Variants in TEKT5 observed in about 807,000 individuals in gnomAD.
TEKT5 encodes the protein tektin 5, also known as tektin-5.
In TEKT5, 52 loss-of-function variants were observed where a neutral mutation model predicts 48.7. The observed-to-expected ratio is 1.07, with a 90% CI of 0.86 to 1.35. The LOEUF is 1.35. Among genes scored for constraint, TEKT5 ranks in the 40% most tolerant of loss-of-function variants. TEKT5 has a pLI of 0.00. For synonymous variants in TEKT5, 318 were observed against 267.6 expected (o/e 1.19, Z -1.84); for missense variants, 831 against 641.6 (o/e 1.30, Z -3.19).
intron 5 of TEKT5, 46 bp downstream of exon 5, chr16:10,675,913 T>C: frequency 6.3e-7 from 1 of 1,589,028 alleles, no homozygotes. Context: ...GGGAGAAGGG[T>C]GAGGGCTTGG....
chr16:10,640,111 G>A (rs77394325), intron 5 of TEKT5, among the ~76,000 whole-genome samples: 5,706 of 67,584 alleles, frequency 0.084, 235 homozygotes, highest in East Asian at 0.36. Context: ...CCCTCCTCCC[G>A]TCTTCCTCCT....
In TEKT5 at chr16:10,694,572, T is replaced by A; in HGVS notation, c.302A>T (p.Gln101Leu). ...CCGGGAGGCCTCGGCCCCACGCACCTGCAGCTGGTTGGACTGGTCCCAGTC... is the reference window on the plus strand; with the variant it reads ...CCGGGAGGCCTCGGCCCCACGCACCAGCAGCTGGTTGGACTGGTCCCAGTC... ...PHDWDQSNQL[Q>L]VRGAEASRLW... Residue 101 changes from glutamine to leucine, a missense_variant, in exon 1 of 7, where the codon CAG becomes CTG. Transcript: ENST00000283025. The A allele has an allele frequency of 6.2e-7, 1 of 1,603,504 alleles. No homozygotes were observed. Among genetic ancestry groups the A allele is most frequent in the Non-Finnish European group, 8.5e-7 (1 of 1,174,664 alleles).
At chr16:10,628,492 G>C (rs1897788696) in intron 6 of TEKT5, among the ~76,000 whole-genome samples, 1 of 152,208 alleles carries the variant, frequency 6.6e-6, no homozygotes, top group Non-Finnish European at 1.5e-5. Context: ...GTTCACGGCA[G>C]CCCTATTCAC....
chr16:10,675,445 G>A lies in TEKT5; in HGVS notation c.1086+514C>T, dbSNP rs984422563. 2.6e-5 allele frequency among the ~76,000 whole-genome samples: 4 copies of A among 152,130 alleles called. No individual in the cohort carries two copies. The East Asian group carries it at 7.7e-4, about 29-fold the overall frequency. On this transcript the variant is annotated intron_variant, in intron 5 of 6. Transcript: ENST00000283025. ...ACGCCTAAAGGGCACACTGGTGTAG[G>A]CATAGCACGCAGACGACAGAATCGG... is the stretch of plus-strand genomic sequence containing the variant.
chr16:10,690,564 T>A, intron 1 of TEKT5: 4 of 985,252 alleles, frequency 4.1e-6, no homozygotes, highest in Non-Finnish European at 4.8e-6. Context: ...TTGACAAGTG[T>A]AAATCACTGA....
intron 5 of TEKT5, among the ~76,000 whole-genome samples, chr16:10,663,120 G>A (rs1898402754): frequency 6.6e-6 from 1 of 152,130 alleles, no homozygotes. Flanking sequence ...GCCATGCATG[G>A]GGTGTGAAAG....
chr16:10,667,296 T>C (rs1898474074), intron 5 of TEKT5, among the ~76,000 whole-genome samples: 1 of 152,180 alleles, frequency 6.6e-6, no homozygotes. Flanking sequence ...CTTCCTTACG[T>C]ATGTTAAAGA....
At chr16:10,672,642 A>T (rs1898567232) in intron 5 of TEKT5, among the ~76,000 whole-genome samples, 1 of 152,118 alleles carries the variant, frequency 6.6e-6, no homozygotes, top group South Asian at 2.1e-4. Flanking sequence ...TTGCAGAAAG[A>T]TGTAAGGAGT....
At chr16:10,664,895 G>A (rs1369668911) in intron 5 of TEKT5, among the ~76,000 whole-genome samples, 1 of 152,172 alleles carries the variant, frequency 6.6e-6, no homozygotes. Context: ...ACTAAGGGAT[G>A]GGCACAGCTG....
rs554768861 is a variant in TEKT5, at chr16:10,694,559, G to A, written c.315C>T (p.Ala105=). 117 of 1,602,754 alleles carry A rather than the reference G, an allele frequency of 7.3e-5. No individual in the cohort carries two copies. The highest frequency in any genetic ancestry group is 3.6e-4 in the Admixed American group (21 of 59,070). The change falls in exon 1 of 7, where the codon GCC becomes GCT. Residue 105 remains alanine, a synonymous_variant. Coordinates refer to ENST00000283025, the MANE Select transcript of TEKT5 (RefSeq NM_144674.2). ...DQSNQLQVRG[A]EASRLWASRL... is the part of the protein sequence containing the mutation. ...GGCTGGCCCACAGCCGGGAGGCCTC[G>A]GCCCCACGCACCTGCAGCTGGTTGG...
At chr16:10,678,889 G>A (rs540243985) in intron 4 of TEKT5, among the ~76,000 whole-genome samples, 37 of 152,170 alleles carry the variant, frequency 2.4e-4, no homozygotes, top group African/African-American at 8.9e-4. Context: ...GTCTCAGTAG[G>A]GGGAAGTGCT....
intron 5 of TEKT5, among the ~76,000 whole-genome samples, chr16:10,663,403 T>C (rs1185692499): frequency 6.6e-6 from 1 of 152,146 alleles, no homozygotes; most frequent in Non-Finnish European, 1.5e-5. Flanking sequence ...ACCTTGCAAA[T>C]TTATTGTTTT....
intron 6 of TEKT5, among the ~76,000 whole-genome samples, chr16:10,631,270 AAAAG>A (rs1169058603): frequency 2.1e-5 from 3 of 144,602 alleles, no homozygotes; most frequent in Admixed American, 6.9e-5. Flanking sequence ...AAAAAAAAAA[AAAAG>A]AGAGAGAGAG....
chr16:10,654,956 C>CA (rs1433177523), intron 5 of TEKT5, among the ~76,000 whole-genome samples: 6 of 123,044 alleles, frequency 4.9e-5, no homozygotes, highest in African/African-American at 8.9e-5. Flanking sequence ...CCCCCCCCCC[C>CA]AGTCTGTGAC....
chr16:10,661,279 G>A (rs552688981), intron 5 of TEKT5, among the ~76,000 whole-genome samples: 1 of 152,160 alleles, frequency 6.6e-6, no homozygotes, highest in Admixed American at 6.5e-5. Context: ...TCCATCTCAT[G>A]TAAGTCTGCT....
intron 1 of TEKT5, among the ~76,000 whole-genome samples, chr16:10,691,637 A>G (rs1792858480): frequency 6.6e-6 from 1 of 151,908 alleles, no homozygotes; most frequent in African/African-American, 2.4e-5. Context: ...GGGTGGAGGA[A>G]TTCCGGAATT....
intron 1 of TEKT5, 76 bp from the exon 2 acceptor site, chr16:10,690,101 C>T: frequency 6.7e-7 from 1 of 1,483,612 alleles, no homozygotes; most frequent in Non-Finnish European, 9.3e-7. Flanking sequence ...CTCACATCCA[C>T]CCTTGCCACA....
intron 5 of TEKT5, among the ~76,000 whole-genome samples, chr16:10,658,514 C>A (rs1898302106): frequency 6.6e-6 from 1 of 152,010 alleles, no homozygotes; most frequent in South Asian, 2.1e-4. Flanking sequence ...CTGCATGATT[C>A]TATCAATATG....
intron 5 of TEKT5, among the ~76,000 whole-genome samples, chr16:10,636,318 T>C: frequency 6.7e-6 from 1 of 150,072 alleles, no homozygotes; most frequent in Non-Finnish European, 1.5e-5. Flanking sequence ...GAGGTTGCAG[T>C]GAGCTGAGAT....
Sources: allele counts gnomAD v4.1 joint callset (sites outside exome capture counted in the v4.1 genomes callset), GRCh38; gene constraint gnomAD v4.1.1; transcripts MANE v1.5; gene names NCBI Gene and HGNC (gene_info 2026-07-23, HGNC 2026-07-21).